GBE1: variants seen among roughly 807,000 people sequenced by gnomAD.
The protein encoded by GBE1 is 1,4-alpha-glucan-branching enzyme.
In GBE1, 70 loss-of-function variants were observed where a neutral mutation model predicts 88.8. The ratio of observed to expected loss-of-function variants is 0.79; its 90% confidence interval spans 0.65 to 0.96. GBE1 has a LOEUF of 0.96. Among genes scored for constraint, GBE1 ranks in the 40% least tolerant of loss-of-function variants. GBE1 has a pLI of 0.00. For missense variants in GBE1, 872 were observed against 871.0 expected (o/e 1.00, Z -0.01); for synonymous variants, 284 against 300.1 (o/e 0.95, Z 0.56).
intron 7 of GBE1, among the ~76,000 whole-genome samples, chr3:81,632,417 C>A (rs554832870): frequency 1.3e-5 from 2 of 152,146 alleles, no homozygotes; most frequent in African/African-American, 4.8e-5. Flanking sequence ...AGACACTTTT[C>A]AAAAGAAGAC....
chr3:81,625,573 G>T (rs958603930), intron 7 of GBE1, among the ~76,000 whole-genome samples: 1 of 151,926 alleles, frequency 6.6e-6, no homozygotes, highest in African/African-American at 2.4e-5. Flanking sequence ...AAGTATCAAA[G>T]ACTGCAGGCA....
intron 1 of GBE1, among the ~76,000 whole-genome samples, chr3:81,731,629 A>G (rs1319955257): frequency 2.0e-5 from 3 of 152,128 alleles, no homozygotes; most frequent in Non-Finnish European, 4.4e-5. Context: ...CGACTGGATC[A>G]CAGGGGCAGA....
At position 81,630,010 on chromosome 3, in the gene GBE1, T is replaced by G. The variant is rs1042294082; in HGVS notation, c.992+12771A>C. Among the ~76,000 whole-genome samples the G allele has an allele frequency of 2.6e-5, 4 of 152,226 alleles. No homozygotes were observed. The South Asian group carries it at 8.3e-4, about 32-fold the overall frequency. ...CGACAGTTTACTGAGAATGATGGTT[T>G]CCAGCTTCATCCATGTCCCTACCAA... On this transcript the variant is annotated intron_variant, in intron 7 of 15. Coordinates refer to ENST00000429644, the MANE Select transcript of GBE1 (RefSeq NM_000158.4).
At chr3:81,647,289 T>C (rs1704779181) in intron 5 of GBE1, among the ~76,000 whole-genome samples, 1 of 152,184 alleles carries the variant, frequency 6.6e-6, no homozygotes, top group Non-Finnish European at 1.5e-5. Context: ...TCAGCATTAA[T>C]GCTTCTACTT....
At chr3:81,598,326 C>CA (rs1360926066) in intron 7 of GBE1, among the ~76,000 whole-genome samples, 2 of 151,832 alleles carry the variant, frequency 1.3e-5, no homozygotes, top group African/African-American at 2.4e-5. Context: ...AACCACGAAT[C>CA]AAAAACCTCA....
At chr3:81,599,225 TA>T (rs1193756035) in intron 7 of GBE1, among the ~76,000 whole-genome samples, 4 of 152,114 alleles carry the variant, frequency 2.6e-5, no homozygotes, top group African/African-American at 7.2e-5. Context: ...CCTGCATTCT[TA>T]AAAATTGGTT....
At chr3:81,554,234 G>T (rs1703316888) in intron 12 of GBE1, among the ~76,000 whole-genome samples, 1 of 152,046 alleles carries the variant, frequency 6.6e-6, no homozygotes, top group Non-Finnish European at 1.5e-5. Context: ...CAGATTTTTT[G>T]CAAGTAAGTT....
chr3:81,540,506 C>A (rs1019453934), intron 12 of GBE1, among the ~76,000 whole-genome samples: 1 of 151,978 alleles, frequency 6.6e-6, no homozygotes, highest in East Asian at 1.9e-4. Context: ...TCTGTAAAAT[C>A]ATCATTCTGA....
chr3:81,525,987 T>A (rs189070474), intron 14 of GBE1, among the ~76,000 whole-genome samples: 196 of 152,188 alleles, frequency 1.3e-3, no homozygotes, highest in African/African-American at 4.3e-3. Context: ...AACCAGCTCA[T>A]GGATTCATTG....
At chr3:81,703,387 C>T (rs1705727406) in intron 2 of GBE1, among the ~76,000 whole-genome samples, 1 of 151,874 alleles carries the variant, frequency 6.6e-6, no homozygotes, top group Non-Finnish European at 1.5e-5. Flanking sequence ...TAACAACTCT[C>T]GAGACACATC....
At chr3:81,632,198 C>T (rs1183405238) in intron 7 of GBE1, among the ~76,000 whole-genome samples, 1 of 152,102 alleles carries the variant, frequency 6.6e-6, no homozygotes, top group Non-Finnish European at 1.5e-5. Context: ...TTTTCTTTAT[C>T]CAGTCTAATA....
At chr3:81,549,339 A>C (rs1415731594) in intron 12 of GBE1, among the ~76,000 whole-genome samples, 1 of 151,362 alleles carries the variant, frequency 6.6e-6, no homozygotes, top group African/African-American at 2.4e-5. Flanking sequence ...GGTATTCTTA[A>C]TTTATGGTAA....
chr3:81,514,188 A>G (rs1702762376), intron 14 of GBE1, among the ~76,000 whole-genome samples: 1 of 149,628 alleles, frequency 6.7e-6, no homozygotes, highest in Admixed American at 6.7e-5. Flanking sequence ...CAAAGTGAAA[A>G]TTGGCTCTCT....
chr3:81,661,306 T>C (rs1447642220), intron 3 of GBE1, among the ~76,000 whole-genome samples: 1 of 152,146 alleles, frequency 6.6e-6, no homozygotes, highest in Non-Finnish European at 1.5e-5. Flanking sequence ...AAAATATCTA[T>C]GGAATCAATG....
chr3:81,572,763 C>T (rs1703591588), intron 12 of GBE1, among the ~76,000 whole-genome samples: 1 of 151,694 alleles, frequency 6.6e-6, no homozygotes, highest in Non-Finnish European at 1.5e-5. Flanking sequence ...CCTTTAATGC[C>T]CTTATTTTCA....
At chr3:81,685,208 G>C (rs921261723) in intron 2 of GBE1, among the ~76,000 whole-genome samples, 1 of 152,074 alleles carries the variant, frequency 6.6e-6, no homozygotes, top group African/African-American at 2.4e-5. Flanking sequence ...AGAGAAAACG[G>C]GAGCCAGCAG....
chr3:81,607,516 T>C (rs1041289648), intron 7 of GBE1, among the ~76,000 whole-genome samples: 5 of 152,100 alleles, frequency 3.3e-5, no homozygotes, highest in African/African-American at 1.2e-4. Flanking sequence ...GCCACTGCAC[T>C]CCAGCCTGGC....
chr3:81,703,550 T>C (rs1705731046), intron 2 of GBE1, among the ~76,000 whole-genome samples: 1 of 151,978 alleles, frequency 6.6e-6, no homozygotes, highest in South Asian at 2.1e-4. Context: ...TCTTAAGTTA[T>C]TAATTTAAAT....
At chr3:81,493,009 T>A (rs1428914517) in intron 15 of GBE1, among the ~76,000 whole-genome samples, 1 of 152,124 alleles carries the variant, frequency 6.6e-6, no homozygotes, top group Non-Finnish European at 1.5e-5. Flanking sequence ...TTGCTGAGAT[T>A]ACAGGCGTGA....
Sources: allele counts gnomAD v4.1 joint callset (sites outside exome capture counted in the v4.1 genomes callset), GRCh38; gene constraint gnomAD v4.1.1; transcripts MANE v1.5; gene names NCBI Gene and HGNC (gene_info 2026-07-23, HGNC 2026-07-21).